The following DOCK3 variants were observed in gnomAD, a reference collection of about 807,000 sequenced individuals.
DOCK3 encodes the protein dedicator of cytokinesis protein 3.
Under a neutral mutation model 265.6 loss-of-function variants are expected in DOCK3, and 60 were observed. That is an observed-to-expected ratio of 0.23 (90% CI 0.18 to 0.28). The LOEUF is 0.28. Among genes scored for constraint, DOCK3 ranks in the 10% least tolerant of loss-of-function variants. The pLI is 1.00. For missense variants in DOCK3, 1,981 were observed against 2,594.3 expected, an observed-to-expected ratio of 0.76 and a Z score of 5.14; for synonymous variants, 881 against 938.0, an observed-to-expected ratio of 0.94 and a Z score of 1.11.
At chr3:50,691,748 G>A (rs1559518221) in intron 1 of DOCK3, among the ~76,000 whole-genome samples, 1 of 152,092 alleles carries the variant, frequency 6.6e-6, no homozygotes, top group Non-Finnish European at 1.5e-5. Context: ...TTTGATCATA[G>A]CCTTTCAAAT....
At chr3:50,794,313 T>C (rs2042649683) in intron 2 of DOCK3, among the ~76,000 whole-genome samples, 1 of 152,180 alleles carries the variant, frequency 6.6e-6, no homozygotes, top group Admixed American at 6.5e-5. Flanking sequence ...GATGATCTAT[T>C]GAATACTGTC....
At chr3:51,054,927 A>AT (rs1237724953) in intron 5 of DOCK3, among the ~76,000 whole-genome samples, 1 of 151,496 alleles carries the variant, frequency 6.6e-6, no homozygotes, top group African/African-American at 2.4e-5. Flanking sequence ...TCCAATATCT[A>AT]TTTTTCTGAT....
chr3:51,229,597 G>A lies in DOCK3; in HGVS notation c.1905G>A (p.Glu635=). 4 of 1,603,858 alleles carry A rather than the reference G, an allele frequency of 2.5e-6. No homozygotes were observed. The highest frequency in any genetic ancestry group is 3.4e-6 in the Non-Finnish European group (4 of 1,175,038). Reference sequence around the variant, plus strand: ...GGCGGCTGCGGCATGTCAGTGGGGAGGAAATTGTTAAGGTATGTCTTCCAT... The same window carrying A: ...GGCGGCTGCGGCATGTCAGTGGGGAAGAAATTGTTAAGGTATGTCTTCCAT... ...VLGRLRHVSG[E]EIVKFLQDIL... The change falls in exon 19 of 53, where the codon GAG becomes GAA. Residue 635 remains glutamate (E), a synonymous_variant. Transcript: ENST00000266037.
intron 12 of DOCK3, among the ~76,000 whole-genome samples, chr3:51,176,445 G>A (rs185197811): frequency 2.7e-4 from 38 of 141,682 alleles, no homozygotes; most frequent in African/African-American, 4.8e-4. Context: ...GTGAAACCCC[G>A]TCTCTACTAA....
intron 25 of DOCK3, among the ~76,000 whole-genome samples, chr3:51,275,579 T>G (rs934279124): frequency 2.0e-5 from 3 of 152,166 alleles, no homozygotes; most frequent in Non-Finnish European, 4.4e-5. Context: ...AGAGGTAGCT[T>G]GCTTATTCAG....
chr3:51,086,723 A>G (rs1375852733), intron 7 of DOCK3, among the ~76,000 whole-genome samples: 1 of 152,172 alleles, frequency 6.6e-6, no homozygotes, highest in Non-Finnish European at 1.5e-5. Flanking sequence ...ACCTGAACCC[A>G]GGAGGTGGAG....
intron 5 of DOCK3, among the ~76,000 whole-genome samples, chr3:50,940,829 C>T (rs1465923354): frequency 2.0e-5 from 3 of 151,874 alleles, no homozygotes; most frequent in Non-Finnish European, 4.4e-5. Context: ...AGTAGAGGAA[C>T]GATAGTCTTT....
intron 38 of DOCK3, among the ~76,000 whole-genome samples, chr3:51,347,778 A>C (rs1449278154): frequency 1.3e-5 from 2 of 152,172 alleles, no homozygotes. Flanking sequence ...TGAGCATGGA[A>C]TGTTCTTCCA....
At chr3:50,910,885 G>C (rs2049818556) in intron 4 of DOCK3, among the ~76,000 whole-genome samples, 1 of 152,042 alleles carries the variant, frequency 6.6e-6, no homozygotes. Flanking sequence ...CTAATTTTTA[G>C]TTCTTAAGAA....
At chr3:51,154,896 C>G (rs925727003) in intron 10 of DOCK3, among the ~76,000 whole-genome samples, 1 of 152,196 alleles carries the variant, frequency 6.6e-6, no homozygotes, top group African/African-American at 2.4e-5. Context: ...TGTTCTGCCA[C>G]AATGGGAAGG....
At chr3:51,034,651 A>G (rs1167841185) in intron 5 of DOCK3, among the ~76,000 whole-genome samples, 1 of 152,086 alleles carries the variant, frequency 6.6e-6, no homozygotes, top group African/African-American at 2.4e-5. Flanking sequence ...AATAGCAAAA[A>G]TAGTCCTCAA....
intron 19 of DOCK3, among the ~76,000 whole-genome samples, chr3:51,234,733 A>G (rs967378951): frequency 1.3e-5 from 2 of 152,106 alleles, no homozygotes; most frequent in African/African-American, 4.8e-5. Flanking sequence ...TGCCTTCTCC[A>G]AGTACCTTTG....
intron 5 of DOCK3, among the ~76,000 whole-genome samples, chr3:51,031,180 C>T (rs1478756087): frequency 2.0e-5 from 3 of 151,892 alleles, no homozygotes; most frequent in African/African-American, 7.3e-5. Context: ...CTTTTTTGAT[C>T]AGCTACTTTG....
intron 1 of DOCK3, among the ~76,000 whole-genome samples, chr3:50,767,088 A>G (rs2040937087): frequency 6.6e-6 from 1 of 152,056 alleles, no homozygotes; most frequent in Non-Finnish European, 1.5e-5. Flanking sequence ...CTCTGATGGT[A>G]GTTTCTTTTG....
chr3:50,700,418 T>C (rs573570881), intron 1 of DOCK3, among the ~76,000 whole-genome samples: 2 of 152,358 alleles, frequency 1.3e-5, no homozygotes, highest in Non-Finnish European at 2.9e-5. Flanking sequence ...ATTGACCAAC[T>C]GCCCCTTTGT....
rs868045451 is a variant in DOCK3 at position 50,726,451 on chromosome 3, A to C, written c.37+51151A>C. Reference sequence around the variant, plus strand: ...CCAGGGCTAGACCTATACTGAAAAAAGACCTGAGAAGACCTTAAGCTTGTA... The same window carrying C: ...CCAGGGCTAGACCTATACTGAAAAACGACCTGAGAAGACCTTAAGCTTGTA... On this transcript the variant is annotated intron_variant, in intron 1 of 52. Transcript: ENST00000266037. 2.0e-5 allele frequency among the ~76,000 whole-genome samples: 3 copies of C among 152,326 alleles called. No individual in the cohort carries two copies. In the South Asian group the frequency reaches 6.2e-4, roughly 32 times the overall value.
At chr3:51,283,487 G>A (rs2081246003) in intron 27 of DOCK3, among the ~76,000 whole-genome samples, 1 of 152,180 alleles carries the variant, frequency 6.6e-6, no homozygotes, top group Admixed American at 6.5e-5. Flanking sequence ...TAGAAGCAAT[G>A]CAGAGAAAGG....
At chr3:50,775,643 A>G (rs1229113536) in intron 1 of DOCK3, among the ~76,000 whole-genome samples, 2 of 152,036 alleles carry the variant, frequency 1.3e-5, no homozygotes, top group Non-Finnish European at 2.9e-5. Flanking sequence ...TTTTGGTTTC[A>G]TGGATGAGTT....
At chr3:50,903,027 C>T (rs1012329851) in intron 4 of DOCK3, among the ~76,000 whole-genome samples, 8 of 152,164 alleles carry the variant, frequency 5.3e-5, no homozygotes, top group African/African-American at 1.7e-4. Context: ...TGACTTTATC[C>T]TGAGACTTTG....
Sources: allele counts gnomAD v4.1 joint callset (sites outside exome capture counted in the v4.1 genomes callset), GRCh38; gene constraint gnomAD v4.1.1; transcripts MANE v1.5; gene names NCBI Gene and HGNC (gene_info 2026-07-23, HGNC 2026-07-21).